VRTN: variants seen among roughly 807,000 people sequenced by gnomAD.
VRTN encodes vertebrae development associated, also known as vertnin.
VRTN carries 5 observed loss-of-function variants against 18.2 expected under a neutral mutation model. That is an observed-to-expected ratio of 0.27 (90% CI 0.14 to 0.58). The LOEUF (loss-of-function observed/expected upper bound fraction) is 0.58, where lower values mean the gene tolerates loss of function less well. Among genes scored for constraint, VRTN ranks in the 20% least tolerant of loss-of-function variants. VRTN has a pLI of 0.91. For missense variants in VRTN, 741 were observed against 939.4 expected, an observed-to-expected ratio of 0.79 and a Z score of 2.76; for synonymous variants, 381 against 393.7, an observed-to-expected ratio of 0.97 and a Z score of 0.38.
chr14:74,352,410 C>T (rs2140212291), intron 1 of VRTN, among the ~76,000 whole-genome samples: 1 of 152,252 alleles, frequency 6.6e-6, no homozygotes, highest in African/African-American at 2.4e-5. Flanking sequence ...AACTCCTGAT[C>T]TCGTGATCCA....
chr14:74,353,212 C>T (rs2085698654), intron 1 of VRTN, among the ~76,000 whole-genome samples: 1 of 152,052 alleles, frequency 6.6e-6, no homozygotes, highest in Non-Finnish European at 1.5e-5. Context: ...TCGCTTGAAC[C>T]CTGGGGGCGG....
intron 1 of VRTN, among the ~76,000 whole-genome samples, chr14:74,354,814 A>C (rs971663029): frequency 2.2e-4 from 33 of 152,010 alleles, no homozygotes; most frequent in African/African-American, 8.0e-4. Flanking sequence ...CTTTAGTGGA[A>C]ACAATTGACA....
intron 1 of VRTN, among the ~76,000 whole-genome samples, chr14:74,325,032 G>T (rs945716059): frequency 2.0e-5 from 3 of 152,088 alleles, no homozygotes; most frequent in Non-Finnish European, 2.9e-5. Context: ...AAACCAGTAG[G>T]GGGGAGTGTG....
At chr14:74,310,038 C>A (rs547419200) in intron 1 of VRTN, among the ~76,000 whole-genome samples, 1 of 152,100 alleles carries the variant, frequency 6.6e-6, no homozygotes, top group East Asian at 1.9e-4. Flanking sequence ...GAATGCTTAT[C>A]AAAGGAGGAG....
chr14:74,351,495 GTTT>G (rs59810913), intron 1 of VRTN, among the ~76,000 whole-genome samples: 28 of 89,676 alleles, frequency 3.1e-4, no homozygotes, highest in African/African-American at 5.7e-4. Context: ...TGATTACCAG[GTTT>G]TTTTTTTTTT....
At chr14:74,349,142 T>C (rs2085666066) in intron 1 of VRTN, among the ~76,000 whole-genome samples, 1 of 152,172 alleles carries the variant, frequency 6.6e-6, no homozygotes, top group African/African-American at 2.4e-5. Context: ...CTGGGCTGGA[T>C]TGACTTGGTG....
chr14:74,351,622 CA>C (rs2140211867), intron 1 of VRTN, among the ~76,000 whole-genome samples: 1 of 150,004 alleles, frequency 6.7e-6, no homozygotes, highest in East Asian at 2.0e-4. Context: ...GCTGGGACTA[CA>C]GGCACATGCT....
chr14:74,334,410 G>C (rs1595169543), intron 1 of VRTN, among the ~76,000 whole-genome samples: 1 of 151,926 alleles, frequency 6.6e-6, no homozygotes, highest in African/African-American at 2.4e-5. Flanking sequence ...GGTGCCTGTA[G>C]TCCCAGCTAC....
At position 74,342,909 on chromosome 14, in the gene VRTN, G is replaced by A. The variant is rs555886949; in HGVS notation, c.-2+5025G>A. Among the ~76,000 whole-genome samples the A allele has an allele frequency of 2.6e-5, 4 of 152,160 alleles. No individual in the cohort carries two copies. The East Asian group carries it at 5.8e-4, about 22-fold the overall frequency. The stretch of plus-strand genomic sequence containing the variant: ...TAGGATTACAGGTGTGAGCCACCAC[G>A]CCAGTCTAAAAGGCTCTTACATATA... On this transcript the variant is annotated intron_variant, in intron 2 of 2. Transcript: ENST00000557177.
intron 2 of VRTN, among the ~76,000 whole-genome samples, chr14:74,342,209 T>G (rs1211231619): frequency 1.3e-5 from 2 of 150,268 alleles, no homozygotes; most frequent in Non-Finnish European, 2.9e-5. Context: ...ACTACACTAC[T>G]GCATTCCAGC....
chr14:74,338,472 A>T (rs2085579683), intron 2 of VRTN, among the ~76,000 whole-genome samples: 1 of 152,216 alleles, frequency 6.6e-6, no homozygotes, highest in Non-Finnish European at 1.5e-5. Context: ...TTCTGTCCTG[A>T]CTGGAAGACT....
At chr14:74,340,382 G>A (rs1164197174) in intron 2 of VRTN, among the ~76,000 whole-genome samples, 1 of 151,942 alleles carries the variant, frequency 6.6e-6, no homozygotes, top group African/African-American at 2.4e-5. Context: ...AAAGTGCTGG[G>A]ATTACAGGCG....
In VRTN at chr14:74,359,156, GT is replaced by G; in HGVS notation, c.*269del. On this transcript the variant is annotated 3_prime_UTR_variant, in exon 2 of 2. Coordinates refer to ENST00000256362, the MANE Select transcript of VRTN (RefSeq NM_018228.3). ...GTCATATTTTTACTGTTATGATTTA[GT>G]TTTTGGTTTTGATTTGAGTGGGTTG... is the stretch of plus-strand genomic sequence containing the variant. The G allele has an allele frequency of 1.7e-6, 1 of 603,728 alleles. No homozygotes were observed. Among genetic ancestry groups the G allele is most frequent in the Non-Finnish European group, 2.5e-6 (1 of 407,984 alleles). 37.4% of individuals were successfully genotyped at this position (603,728 alleles called of 1,614,324 possible). A position where few individuals can be genotyped will look rare whatever the true frequency, so the allele number is the denominator to read the frequency against.
intron 1 of VRTN, among the ~76,000 whole-genome samples, chr14:74,349,129 G>A (rs2085665971): frequency 1.3e-5 from 2 of 152,216 alleles, no homozygotes; most frequent in South Asian, 4.1e-4. Context: ...TAGAGCAACT[G>A]AACTGGGCTG....
intron 1 of VRTN, among the ~76,000 whole-genome samples, chr14:74,315,163 T>C (rs924659081): frequency 2.0e-5 from 3 of 152,164 alleles, no homozygotes; most frequent in African/African-American, 7.2e-5. Context: ...TGCCATACTT[T>C]GGGGTATTGT....
chr14:74,306,156 A>ATTT (rs1567036588), intron 1 of VRTN: 3 of 73,420 alleles, frequency 4.1e-5, no homozygotes, highest in Admixed American at 3.9e-4. Context: ...ATATATATAT[A>ATTT]TATATATATA....
intron 1 of VRTN, among the ~76,000 whole-genome samples, chr14:74,349,341 G>T (rs1422667470): frequency 6.8e-6 from 1 of 148,066 alleles, no homozygotes; most frequent in African/African-American, 2.5e-5. Context: ...CCTGGCAGGC[G>T]CAGCCTGTGC....
chr14:74,309,499 T>G (rs780778085), intron 1 of VRTN, among the ~76,000 whole-genome samples: 3 of 152,162 alleles, frequency 2.0e-5, no homozygotes, highest in Non-Finnish European at 2.9e-5. Flanking sequence ...CTTAAGTGAT[T>G]CTTGTGCTGT....
rs200831399 is a variant in VRTN, at chr14:74,357,499, C to T, written c.716C>T (p.Pro239Leu). 1 of 1,612,936 alleles carries T rather than the reference C, an allele frequency of 6.2e-7. No individual in the cohort carries two copies. The highest frequency in any genetic ancestry group is 1.3e-5 in the African/African-American group (1 of 75,058). The change falls in exon 2 of 2, where the codon CCT (proline) becomes CTT (leucine). Residue 239 changes from proline to leucine, a missense_variant. By Grantham distance (98) the Pro-to-Leu change is moderately conservative. This residue lies in a region of VRTN where 494 missense variants were observed against 546.5 expected (regional missense o/e 0.90). Coordinates refer to ENST00000256362, the MANE Select transcript of VRTN (RefSeq NM_018228.3). This position sits in a 1 kb window ranked among gnomAD's most constrained non-coding sequence, Gnocchi z 7.8. ...SHFFRHQYFA[P>L]VVGLEEVEAE... ...TTCTTCCGCCACCAGTACTTTGCCC[C>T]TGTGGTGGGGCTGGAAGAGGTGGAG...
Sources: allele counts gnomAD v4.1 joint callset (sites outside exome capture counted in the v4.1 genomes callset), GRCh38; gene constraint gnomAD v4.1.1; regional missense constraint gnomAD v4.1.1; non-coding constraint Gnocchi (gnomAD v3.1); transcripts MANE v1.5; gene names NCBI Gene and HGNC (gene_info 2026-07-23, HGNC 2026-07-21).